The following CDKL5 variants were observed in gnomAD, a reference collection of about 807,000 sequenced individuals.
The protein encoded by CDKL5 is cyclin dependent kinase like 5.
CDKL5 carries 8 observed loss-of-function variants against 61.7 expected under a neutral mutation model. The observed-to-expected ratio is 0.13, with a 90% CI of 0.08 to 0.23. The LOEUF (loss-of-function observed/expected upper bound fraction) is 0.23. Among genes scored for constraint, CDKL5 ranks in the 10% least tolerant of loss-of-function variants. CDKL5 has a pLI of 1.00. For synonymous variants in CDKL5, 275 were observed against 272.3 expected (o/e 1.01, Z -0.10); for missense variants, 440 against 734.5 (o/e 0.60, Z 4.63).
intron 3 of CDKL5, among the ~76,000 whole-genome samples, chrX:18,562,766 G>C (rs936665762): frequency 2.7e-5 from 3 of 111,646 alleles, no homozygotes; most frequent in African/African-American, 9.7e-5. Flanking sequence ...AACCATATCG[G>C]GGGAGGCAGA....
chrX:18,454,659 C>T (rs1165065496), intron 1 of CDKL5, among the ~76,000 whole-genome samples: 1 of 107,176 alleles, frequency 9.3e-6, no homozygotes, highest in Non-Finnish European at 1.9e-5. Flanking sequence ...CAGGTTCAAA[C>T]GATTCTCCTG....
chrX:18,608,698 A>G (rs1926443847), intron 12 of CDKL5, 113 bp from the exon 13 acceptor site: 2 of 533,031 alleles, frequency 3.8e-6, no homozygotes, highest in Non-Finnish European at 6.6e-6. Context: ...TTAGCCAACT[A>G]ACATTTTTTA....
chrX:18,644,419 G>T, downstream of CDKL5: 1 of 1,209,511 alleles, frequency 8.3e-7, no homozygotes, highest in Non-Finnish European at 1.1e-6. Context: ...TTTGGGATAA[G>T]CCCAACTTAC....
At chrX:18,550,063 G>A (rs1386678309) in intron 3 of CDKL5, among the ~76,000 whole-genome samples, 1 of 111,586 alleles carries the variant, frequency 9.0e-6, no homozygotes, top group Non-Finnish European at 1.9e-5. Context: ...TGATACCCAC[G>A]CTGTAGCTGA....
intron 15 of CDKL5, 118 bp from the exon 16 acceptor site, chrX:18,619,749 T>G: frequency 3.9e-6 from 2 of 508,705 alleles, no homozygotes; most frequent in Non-Finnish European, 6.7e-6. Context: ...CCCAAGTGTT[T>G]GATTCTTCCC....
rs145582520 is a variant in CDKL5 at position 18,488,323 on chromosome X, A to G, written c.-162-18612A>G. Among the ~76,000 whole-genome samples the G allele has an allele frequency of 4.5e-3, 497 of 111,608 alleles. 4 individuals carry two copies. Among genetic ancestry groups the G allele is most frequent in the African/African-American group, 0.015 (449 of 30,753 alleles). ...TGAATTTATTAAATCTGGATATTCA[A>G]AATTTTTGTCATTTTGCCATATATT... On this transcript the variant is annotated intron_variant, in intron 1 of 17. Coordinates refer to ENST00000623535, the MANE Select transcript of CDKL5 (RefSeq NM_001323289.2).
At chrX:18,560,082 T>C (rs369265977) in intron 3 of CDKL5, among the ~76,000 whole-genome samples, 43 of 109,842 alleles carry the variant, frequency 3.9e-4, no homozygotes, top group Non-Finnish European at 4.6e-4. Context: ...TGAATAGTGC[T>C]GCAATAAACA....
chrX:18,495,956 A>G (rs1170179516), intron 1 of CDKL5, among the ~76,000 whole-genome samples: 5 of 112,307 alleles, frequency 4.5e-5, no homozygotes, highest in Admixed American at 3.8e-4. Context: ...GAGCAGGAGC[A>G]TGGTCCATGT....
At chrX:18,567,533 C>G (rs1394831908) in intron 4 of CDKL5, among the ~76,000 whole-genome samples, 1 of 111,559 alleles carries the variant, frequency 9.0e-6, no homozygotes, top group Admixed American at 9.5e-5. Context: ...TGCTCCTTGA[C>G]TTGTGATGAG....
At position 18,509,197 on chromosome X, in the gene CDKL5, G is replaced by GCACACACACACACACA. The variant is rs60516677; in HGVS notation, c.65-1589_65-1574dup. Among the ~76,000 whole-genome samples the GCACACACACACACACA allele has an allele frequency of 3.9e-3, 253 of 64,305 alleles. 6 individuals carry two copies. Among genetic ancestry groups the GCACACACACACACACA allele is most frequent in the Non-Finnish European group, 5.5e-3 (196 of 35,672 alleles). The allele number at this position is 64,305 out of a possible 115,157, so 55.8% of individuals were successfully genotyped here. A position where few individuals can be genotyped will look rare whatever the true frequency, so the allele number is the denominator to read the frequency against. ...AGAGAGCGAGACTGTCTCAAAACAC[G>GCACACACACACACACA]CACACACACACACACACACACACAC... On this transcript the variant is annotated intron_variant, in intron 2 of 17. Coordinates refer to ENST00000623535, the MANE Select transcript of CDKL5 (RefSeq NM_001323289.2).
chrX:18,460,799 CT>C (rs1569187607), intron 1 of CDKL5, among the ~76,000 whole-genome samples: 1 of 112,129 alleles, frequency 8.9e-6, no homozygotes, highest in Non-Finnish European at 1.9e-5. Context: ...CCATTCCTGG[CT>C]TATCTAGGTT....
chrX:18,584,296 C>G lies in CDKL5; in HGVS notation c.497C>G (p.Ala166Gly), dbSNP rs1835362222. Residue 166 changes from alanine (A) to glycine (G), a missense_variant, in exon 8 of 18, where the codon GCT (alanine) becomes GGT (glycine). By Grantham distance (60) the Ala-to-Gly change is moderately conservative. Transcript: ENST00000623535. ...CGTAATCTGTCAGAAGGCAATAATG[C>G]TAATTACACAGAGTACGTTGCCACC... is the stretch of plus-strand genomic sequence containing the variant. ...FARNLSEGNN[A>G]NYTEYVATRW... 1 of 1,205,584 alleles carries G rather than the reference C, an allele frequency of 8.3e-7. No individual in the cohort carries two copies. The highest frequency in any genetic ancestry group is 1.1e-6 in the Non-Finnish European group (1 of 889,974).
chrX:18,491,727 C>A (rs1483138773), intron 1 of CDKL5, among the ~76,000 whole-genome samples: 1 of 110,739 alleles, frequency 9.0e-6, no homozygotes, highest in Non-Finnish European at 1.9e-5. Flanking sequence ...AAAAAAGATA[C>A]GTGATATTTA....
At chrX:18,642,079 G>A (rs771514400), downstream of CDKL5, 9 of 1,211,579 alleles carry the variant, frequency 7.4e-6, no homozygotes, top group South Asian at 1.6e-4. Context: ...GCGGGATGAG[G>A]CGGATGAAGC....
intron 1 of CDKL5, among the ~76,000 whole-genome samples, chrX:18,485,637 A>G (rs1921763585): frequency 8.9e-6 from 1 of 112,161 alleles, no homozygotes; most frequent in South Asian, 3.7e-4. Context: ...TACATTTTGT[A>G]TGCACAAAAA....
intron 1 of CDKL5, chrX:18,442,354 C>T (rs930294399): frequency 2.7e-5 from 3 of 111,679 alleles, no homozygotes; most frequent in African/African-American, 9.8e-5. Context: ...GACTCTTCTA[C>T]CCGTTCTTTT....
Position 18,650,545 on chromosome X carries a change from T to G in CDKL5, c.2933T>G (p.Leu978Arg), listed in dbSNP as rs143243059. 116 of 1,210,746 alleles carry G rather than the reference T, an allele frequency of 9.6e-5. No homozygotes were observed. Among genetic ancestry groups the G allele is most frequent in the Non-Finnish European group, 1.2e-4 (106 of 895,364 alleles). ...CGAGGCACTTCCATGTGCCCGACAC[T>G]CCAGGTCCGAGGCACTGATGCTTTC... The change falls in exon 21 of 22, where the codon CTC (leucine) becomes CGC (arginine). Residue 978 changes from leucine to arginine, a missense_variant. Coordinates refer to the CDKL5 transcript ENST00000379989.
intron 1 of CDKL5, among the ~76,000 whole-genome samples, chrX:18,484,909 C>T: frequency 9.1e-6 from 1 of 110,231 alleles, no homozygotes; most frequent in East Asian, 2.9e-4. Flanking sequence ...CAGGGACATA[C>T]CACCATGCCC....
At position 18,628,360 on chromosome X, in the gene CDKL5, C is replaced by T. The variant is rs1328428841; in HGVS notation, c.2497-11C>T. 1 of 1,208,177 alleles carries T rather than the reference C, an allele frequency of 8.3e-7. No individual in the cohort carries two copies. Among genetic ancestry groups the T allele is most frequent in the African/African-American group, 1.7e-5 (1 of 57,229 alleles). Reference sequence around the variant, plus strand: ...CTTGAATCCTGTGTGCATTCTCATCCTTTCTTTCAGAGCCAGCCATTAAAA... The same window carrying T: ...CTTGAATCCTGTGTGCATTCTCATCTTTTCTTTCAGAGCCAGCCATTAAAA... On this transcript the variant is annotated splice_polypyrimidine_tract_variant and intron_variant, in intron 17 of 17. Coordinates refer to ENST00000623535, the MANE Select transcript of CDKL5 (RefSeq NM_001323289.2).
Sources: allele counts gnomAD v4.1 joint callset (sites outside exome capture counted in the v4.1 genomes callset), GRCh38; gene constraint gnomAD v4.1.1; transcripts MANE v1.5; gene names NCBI Gene and HGNC (gene_info 2026-07-23, HGNC 2026-07-21).